GDAP1: variants seen among roughly 807,000 people sequenced by gnomAD.
GDAP1 encodes the protein ganglioside induced differentiation associated protein 1, also known as ganglioside-induced differentiation-associated protein 1.
A neutral mutation model predicts 40.1 loss-of-function variants in GDAP1; 34 were observed. That is an observed-to-expected ratio of 0.85 (90% CI 0.64 to 1.13). The LOEUF is 1.13. GDAP1 is among the 50% of genes most tolerant of loss of function. GDAP1 has a pLI of 0.00. For missense variants in GDAP1, 374 were observed against 433.7 expected, an observed-to-expected ratio of 0.86 and a Z score of 1.22; for synonymous variants, 170 against 157.4, an observed-to-expected ratio of 1.08 and a Z score of -0.60.
At chr8:74,424,199 A>G (rs1179490442) in intron 2 of GDAP1, among the ~76,000 whole-genome samples, 8 of 152,148 alleles carry the variant, frequency 5.3e-5, no homozygotes, top group Non-Finnish European at 1.2e-4. Context: ...TATAAATGAT[A>G]TATAAATAAT....
In GDAP1 at chr8:74,472,329, A is replaced by G. The variant is rs1018145059; in HGVS notation, c.166-16349A>G. On this transcript the variant is annotated intron_variant, in intron 2 of 2. Transcript: ENST00000523640. ...ACATGTACCACATTTTCTTTATCCA[A>G]TCTACCTTTGATGGACATTTAGGTT... Among the ~76,000 whole-genome samples, 4 of 152,126 alleles carry G rather than the reference A, an allele frequency of 2.6e-5. No homozygotes were observed. The South Asian group carries it at 8.3e-4, about 32-fold the overall frequency.
intron 2 of GDAP1, among the ~76,000 whole-genome samples, chr8:74,379,603 G>T (rs1472713170): frequency 6.6e-6 from 1 of 152,190 alleles, no homozygotes; most frequent in Non-Finnish European, 1.5e-5. Context: ...ATAGAAAGCA[G>T]TGTCTCTTAT....
At chr8:74,402,602 C>G (rs948176246) in intron 2 of GDAP1, among the ~76,000 whole-genome samples, 5 of 150,218 alleles carry the variant, frequency 3.3e-5, no homozygotes, top group Non-Finnish European at 7.3e-5. Flanking sequence ...TGAGATGAAC[C>G]TGGTACCTGA....
At chr8:74,399,846 G>A (rs1228344028) in intron 2 of GDAP1, among the ~76,000 whole-genome samples, 1 of 140,866 alleles carries the variant, frequency 7.1e-6, no homozygotes, top group Non-Finnish European at 1.5e-5. Context: ...CAGTTTCCAT[G>A]TAGTTGAGCG....
At chr8:74,430,014 A>T (rs1238463642) in intron 2 of GDAP1, among the ~76,000 whole-genome samples, 1 of 152,186 alleles carries the variant, frequency 6.6e-6, no homozygotes, top group Non-Finnish European at 1.5e-5. Context: ...CCACATAGAA[A>T]GATGTGGTTG....
chr8:74,425,937 AGT>A (rs1491554096), intron 2 of GDAP1, among the ~76,000 whole-genome samples: 2 of 152,110 alleles, frequency 1.3e-5, no homozygotes, highest in Non-Finnish European at 2.9e-5. Context: ...CTCCATTTCC[AGT>A]GCTGCAGTCT....
intron 2 of GDAP1, among the ~76,000 whole-genome samples, chr8:74,435,327 T>C (rs1806075266): frequency 1.3e-5 from 2 of 152,190 alleles, no homozygotes; most frequent in South Asian, 2.1e-4. Context: ...TCAAGAGCCA[T>C]ACCTGCTATT....
At chr8:74,351,205 G>A in intron 1 of GDAP1, 69 bp from the exon 2 acceptor site, 7 of 1,264,374 alleles carry the variant, frequency 5.5e-6, no homozygotes, top group Non-Finnish European at 8.1e-6. Flanking sequence ...AGGCTGCTTA[G>A]CGGTGTCCAG....
At chr8:74,476,213 C>T (rs571860815) in intron 2 of GDAP1, among the ~76,000 whole-genome samples, 9 of 152,228 alleles carry the variant, frequency 5.9e-5, no homozygotes, top group East Asian at 1.9e-4. Context: ...AGACAACATA[C>T]GATTGGGTAT....
chr8:74,362,918 CTT>C lies in GDAP1; in HGVS notation c.580-15_580-14del, dbSNP rs1563444154. The C allele has an allele frequency of 9.6e-7, 1 of 1,040,242 alleles. No homozygotes were observed. The highest frequency in any genetic ancestry group is 1.7e-5 in the Admixed American group (1 of 57,608). 64.4% of individuals were successfully genotyped at this position (1,040,242 alleles called of 1,614,324 possible). ...AAGGTGCAAATAATATGTTTGGTTT[CTT>C]TTTTTGGTGGTTAATTAGTCAAAGC... On this transcript the variant is annotated intron_variant, in intron 4 of 5. Transcript: ENST00000220822.
intron 2 of GDAP1, among the ~76,000 whole-genome samples, chr8:74,401,179 T>A (rs1334284278): frequency 2.0e-5 from 3 of 149,350 alleles, no homozygotes; most frequent in South Asian, 2.1e-4. Flanking sequence ...CCCCGTCACT[T>A]TCGGGTACAC....
At chr8:74,474,379 A>C (rs995506896) in intron 2 of GDAP1, among the ~76,000 whole-genome samples, 2 of 152,094 alleles carry the variant, frequency 1.3e-5, no homozygotes, top group African/African-American at 4.8e-5. Flanking sequence ...CTGATTTTTC[A>C]GGGGAATGCT....
intron 2 of GDAP1, among the ~76,000 whole-genome samples, chr8:74,395,446 A>C (rs751107557): frequency 6.6e-6 from 1 of 152,188 alleles, no homozygotes; most frequent in Non-Finnish European, 1.5e-5. Context: ...TTGAAGAACA[A>C]TAGTAAATTG....
chr8:74,386,662 A>C (rs1179881084), intron 2 of GDAP1, among the ~76,000 whole-genome samples: 2 of 152,156 alleles, frequency 1.3e-5, no homozygotes, highest in African/African-American at 4.8e-5. Context: ...TGTCTTGGCT[A>C]TACAGGCTCT....
intron 2 of GDAP1, among the ~76,000 whole-genome samples, chr8:74,405,089 G>A (rs1328151776): frequency 6.7e-6 from 1 of 150,172 alleles, no homozygotes; most frequent in East Asian, 1.9e-4. Context: ...TGGACTCACA[G>A]TTCCAAATCG....
At chr8:74,400,242 G>T (rs1202853095) in intron 2 of GDAP1, among the ~76,000 whole-genome samples, 1 of 149,708 alleles carries the variant, frequency 6.7e-6, no homozygotes. Flanking sequence ...TCCTGTGTTG[G>T]GTACATATAT....
intron 2 of GDAP1, among the ~76,000 whole-genome samples, chr8:74,419,132 G>A (rs749532703): frequency 7.9e-5 from 12 of 152,154 alleles, no homozygotes; most frequent in Non-Finnish European, 1.2e-4. Context: ...GTTTCTTATA[G>A]TTAAACCTGC....
intron 2 of GDAP1, among the ~76,000 whole-genome samples, chr8:74,476,681 A>G (rs1399743170): frequency 6.6e-6 from 1 of 152,034 alleles, no homozygotes; most frequent in African/African-American, 2.4e-5. Flanking sequence ...CCCTTTGTAT[A>G]CGACCTGTCC....
intron 1 of GDAP1, among the ~76,000 whole-genome samples, chr8:74,350,828 C>T (rs181572426): frequency 6.6e-6 from 1 of 152,188 alleles, no homozygotes; most frequent in South Asian, 2.1e-4. Flanking sequence ...GCATCATTTT[C>T]AGTATTTGGT....
Sources: gnomAD v4.1 joint callset for allele counts (sites outside exome capture counted in the v4.1 genomes callset) on GRCh38, gnomAD v4.1.1 for gene constraint, MANE v1.5 for transcripts, NCBI Gene and HGNC (gene_info 2026-07-23, HGNC 2026-07-21) for gene names.